DNAH12: variants seen among roughly 807,000 people sequenced by gnomAD.
The protein encoded by DNAH12 is axonemal beta dynein heavy chain 12.
In DNAH12, 285 loss-of-function variants were observed where a neutral mutation model predicts 371.5. That is an observed-to-expected ratio of 0.77 (90% CI 0.70 to 0.85). The LOEUF is 0.85. Ranked by LOEUF, DNAH12 falls within the 40% of genes least tolerant of loss-of-function variation. DNAH12 has a pLI of 0.00. For missense variants in DNAH12, 3,611 were observed against 3,689.4 expected (o/e 0.98, Z 0.55); for synonymous variants, 1,200 against 1,213.0 (o/e 0.99, Z 0.22).
chr3:57,370,032 AG>A lies in DNAH12; in HGVS notation c.8760-1773del, dbSNP rs1214371485. 4.4e-3 allele frequency among the ~76,000 whole-genome samples: 665 copies of A among 152,322 alleles called. 2 individuals are homozygous for A. Among genetic ancestry groups the A allele is most frequent in the African/African-American group, 0.015 (635 of 41,584 alleles). ...TTGCATTCTAAGTATACCTTACTCT[AG>A]GTATGAAAATAATACTAGGCTACAT... On this transcript the variant is annotated intron_variant, in intron 55 of 73. Coordinates refer to ENST00000495027, the MANE Select transcript of DNAH12 (RefSeq NM_001366028.2).
rs541037485 is a variant in DNAH12 at position 57,474,356 on chromosome 3, G to A, written c.1651-1685C>T. ...TTGTTGCCCAGGCTGGAGTGCAATGGTGCAATTTCGGCTCACTGCAACCTC... is the reference window on the plus strand; with the variant it reads ...TTGTTGCCCAGGCTGGAGTGCAATGATGCAATTTCGGCTCACTGCAACCTC... On this transcript the variant is annotated intron_variant, in intron 13 of 73. Transcript: ENST00000495027. Among the ~76,000 whole-genome samples the A allele has an allele frequency of 2.0e-5, 3 of 152,208 alleles. No homozygotes were observed. In the South Asian group the frequency reaches 6.2e-4, roughly 32 times the overall value.
chr3:57,445,514 A>G, intron 27 of DNAH12, 95 bp from the exon 28 acceptor site: 8 of 1,097,968 alleles, frequency 7.3e-6, no homozygotes, highest in Non-Finnish European at 9.4e-6. Context: ...TGTCAAGTTT[A>G]TTCTCCAAAT....
intron 23 of DNAH12, 79 bp from the exon 24 acceptor site, chr3:57,453,482 T>G: frequency 8.1e-7 from 1 of 1,242,088 alleles, no homozygotes; most frequent in Non-Finnish European, 1.1e-6. Context: ...TAGTCTTTTA[T>G]AAAACAATTC....
intron 34 of DNAH12, among the ~76,000 whole-genome samples, chr3:57,426,459 G>A (rs962970286): frequency 6.6e-6 from 1 of 152,044 alleles, no homozygotes; most frequent in African/African-American, 2.4e-5. Flanking sequence ...ATAACGGGAA[G>A]GGTGGGGCGA....
chr3:57,522,592 G>A (rs2068490802), intron 4 of DNAH12, among the ~76,000 whole-genome samples: 1 of 152,136 alleles, frequency 6.6e-6, no homozygotes, highest in Non-Finnish European at 1.5e-5. Context: ...AAGCTAAAAA[G>A]AGTTTCTTCC....
At position 57,323,270 on chromosome 3, in the gene DNAH12, G is replaced by T; in HGVS notation, c.10130-10C>A. 1 of 1,536,186 alleles carries T rather than the reference G, an allele frequency of 6.5e-7. No individual in the cohort carries two copies. Among genetic ancestry groups the T allele is most frequent in the African/African-American group, 1.4e-5 (1 of 71,796 alleles). ...GCAAATTTCAGCAGGCCTATAAGAG[G>T]CACAAAAAAATGGTCACACTACTTA... On this transcript the variant is annotated splice_polypyrimidine_tract_variant and intron_variant, in intron 63 of 73. Transcript: ENST00000495027.
At chr3:57,373,333 T>TA (rs1491406234) in intron 55 of DNAH12, among the ~76,000 whole-genome samples, 2 of 137,252 alleles carry the variant, frequency 1.5e-5, no homozygotes, top group African/African-American at 5.2e-5. Context: ...TTTTTTTTTT[T>TA]GAGACAGAGT....
At chr3:57,516,876 T>G (rs1016486970) in intron 4 of DNAH12, among the ~76,000 whole-genome samples, 3 of 152,218 alleles carry the variant, frequency 2.0e-5, no homozygotes, top group Non-Finnish European at 4.4e-5. Context: ...ATTGCCACTC[T>G]GAGTAAAATC....
intron 43 of DNAH12, among the ~76,000 whole-genome samples, chr3:57,398,795 C>A (rs2153350247): frequency 6.6e-6 from 1 of 152,202 alleles, no homozygotes; most frequent in South Asian, 2.1e-4. Flanking sequence ...ACAAGATATG[C>A]TAAAGGGAAT....
intron 30 of DNAH12, among the ~76,000 whole-genome samples, chr3:57,435,373 C>CAAAAAAAAAAAAAAAAAAA (rs34515598): frequency 2.8e-3 from 269 of 94,698 alleles, no homozygotes; most frequent in Non-Finnish European, 4.4e-3. Context: ...CTCTGTCTCC[C>CAAAAAAAAAAAAAAAAAAA]AAAAAAAAAA....
At chr3:57,382,514 G>GTTTTTTTTTTT (rs36129650) in intron 49 of DNAH12, 121 bp from the exon 50 acceptor site, 1 of 148,744 alleles carries the variant, frequency 6.7e-6, no homozygotes, top group Non-Finnish European at 1.5e-5. Flanking sequence ...TGAAATCAAA[G>GTTTTTTTTTTT]TTTTTTTTTT....
At chr3:57,528,908 C>T (rs373149553) in intron 2 of DNAH12, among the ~76,000 whole-genome samples, 1 of 151,524 alleles carries the variant, frequency 6.6e-6, no homozygotes, top group East Asian at 2.0e-4. Flanking sequence ...CTAAGCAATT[C>T]TCCTGTCTTA....
chr3:57,394,810 G>A (rs2063702505), intron 43 of DNAH12, among the ~76,000 whole-genome samples: 1 of 152,146 alleles, frequency 6.6e-6, no homozygotes, highest in Non-Finnish European at 1.5e-5. Flanking sequence ...ATTCAGCTAT[G>A]TCAAAAGCCT....
chr3:57,352,297 TAC>T (rs1477031629), intron 59 of DNAH12, 72 bp from the exon 60 acceptor site: 2 of 1,403,218 alleles, frequency 1.4e-6, no homozygotes, highest in Non-Finnish European at 1.9e-6. Flanking sequence ...AATTAACATA[TAC>T]ACTTTTTATT....
intron 50 of DNAH12, among the ~76,000 whole-genome samples, chr3:57,380,600 G>C (rs1220252055): frequency 2.0e-5 from 3 of 152,152 alleles, no homozygotes; most frequent in African/African-American, 7.2e-5. Flanking sequence ...GAGTAGCTGA[G>C]ACTACAGGCT....
At chr3:57,464,407 A>G (rs2066139955) in intron 17 of DNAH12, among the ~76,000 whole-genome samples, 1 of 152,100 alleles carries the variant, frequency 6.6e-6, no homozygotes, top group Non-Finnish European at 1.5e-5. Context: ...GTCCGCATTC[A>G]TTAAGGGCAG....
At chr3:57,510,427 C>T (rs2067945379) in intron 5 of DNAH12, among the ~76,000 whole-genome samples, 1 of 151,770 alleles carries the variant, frequency 6.6e-6, no homozygotes, top group Admixed American at 6.6e-5. Context: ...TGGCTTGAGC[C>T]CAGGAGTTTT....
At chr3:57,463,285 A>C (rs1274583454) in intron 17 of DNAH12, among the ~76,000 whole-genome samples, 1 of 151,942 alleles carries the variant, frequency 6.6e-6, no homozygotes, top group Non-Finnish European at 1.5e-5. Flanking sequence ...ATTTAGAAAA[A>C]AAAAAAAGTA....
chr3:57,303,011 C>G (rs774015363), intron 69 of DNAH12, among the ~76,000 whole-genome samples: 67 of 151,892 alleles, frequency 4.4e-4, no homozygotes, highest in Non-Finnish European at 1.2e-4. Flanking sequence ...CCAGTAATAA[C>G]AGATCTCTTT....
Sources: allele counts gnomAD v4.1 joint callset (sites outside exome capture counted in the v4.1 genomes callset), GRCh38; gene constraint gnomAD v4.1.1; transcripts MANE v1.5; gene names NCBI Gene and HGNC (gene_info 2026-07-23, HGNC 2026-07-21).